NRXN3: variants seen among roughly 807,000 people sequenced by gnomAD.
The protein encoded by NRXN3 is neurexin 3.
Under a neutral mutation model 137.6 loss-of-function variants are expected in NRXN3, and 32 were observed. The ratio of observed to expected loss-of-function variants is 0.23; its 90% CI spans 0.18 to 0.31. The LOEUF is 0.31. NRXN3 is among the 10% of genes least tolerant of loss of function. The pLI is 1.00. For missense variants in NRXN3, 1,574 were observed against 2,062.5 expected (o/e 0.76, Z 4.59); for synonymous variants, 798 against 784.5 (o/e 1.02, Z -0.29).
chr14:79,582,014 C>A (rs2097721088), intron 16 of NRXN3, among the ~76,000 whole-genome samples: 1 of 152,138 alleles, frequency 6.6e-6, no homozygotes, highest in Admixed American at 6.5e-5. Context: ...TCAGCCTTGG[C>A]CTCCCAGGCT....
At chr14:78,229,923 C>T (rs1314313020) in intron 1 of NRXN3, among the ~76,000 whole-genome samples, 1 of 152,150 alleles carries the variant, frequency 6.6e-6, no homozygotes, top group Admixed American at 6.5e-5. Flanking sequence ...CAGATGGGCT[C>T]ACTGGGTCAC....
At chr14:79,739,053 G>T (rs894017695) in intron 19 of NRXN3, among the ~76,000 whole-genome samples, 1 of 152,184 alleles carries the variant, frequency 6.6e-6, no homozygotes, top group Non-Finnish European at 1.5e-5. Flanking sequence ...GCAAATTGAA[G>T]TTTCAAAATA....
intron 14 of NRXN3, among the ~76,000 whole-genome samples, chr14:78,970,471 A>C (rs554070467): frequency 1.3e-5 from 2 of 152,322 alleles, no homozygotes; most frequent in East Asian, 3.9e-4. Context: ...CCCAGGGGCT[A>C]CATGCATTTA....
intron 20 of NRXN3, among the ~76,000 whole-genome samples, chr14:79,825,753 G>A (rs1477509067): frequency 6.6e-6 from 1 of 152,118 alleles, no homozygotes; most frequent in East Asian, 1.9e-4. Context: ...TGGAAGACAT[G>A]ATCATAACTA....
chr14:78,587,897 A>G (rs915504695), intron 4 of NRXN3, among the ~76,000 whole-genome samples: 1 of 151,934 alleles, frequency 6.6e-6, no homozygotes, highest in African/African-American at 2.4e-5. Flanking sequence ...CTTCTTCTTC[A>G]TTGTCTGGAT....
At chr14:78,448,280 C>T (rs1266082626) in intron 4 of NRXN3, among the ~76,000 whole-genome samples, 3 of 152,164 alleles carry the variant, frequency 2.0e-5, no homozygotes, top group Non-Finnish European at 2.9e-5. Context: ...TAGCACAGAG[C>T]AATTGCCCAA....
intron 4 of NRXN3, among the ~76,000 whole-genome samples, chr14:78,605,325 A>C (rs1323149654): frequency 6.6e-6 from 1 of 152,238 alleles, no homozygotes; most frequent in Non-Finnish European, 1.5e-5. Context: ...GGAAGCTCAA[A>C]GGGAAACACT....
At chr14:78,646,972 G>A (rs2097694309) in intron 5 of NRXN3, among the ~76,000 whole-genome samples, 1 of 152,140 alleles carries the variant, frequency 6.6e-6, no homozygotes. Flanking sequence ...TTGATTGGCA[G>A]GTACAAAATA....
intron 15 of NRXN3, among the ~76,000 whole-genome samples, chr14:79,214,822 A>C (rs2068232038): frequency 6.6e-6 from 1 of 152,192 alleles, no homozygotes; most frequent in Non-Finnish European, 1.5e-5. Context: ...TTTCACCCAC[A>C]AATTCTTCAT....
chr14:78,392,419 T>C (rs1257476604), intron 4 of NRXN3, among the ~76,000 whole-genome samples: 1 of 152,212 alleles, frequency 6.6e-6, no homozygotes, highest in African/African-American at 2.4e-5. Flanking sequence ...CCTGTGATAT[T>C]TCTTGAGAGA....
At chr14:79,063,426 G>C (rs1365214309) in intron 15 of NRXN3, among the ~76,000 whole-genome samples, 1 of 152,048 alleles carries the variant, frequency 6.6e-6, no homozygotes, top group Non-Finnish European at 1.5e-5. Context: ...TGGGATTACA[G>C]GTGCATACCA....
At chr14:78,549,797 A>T (rs1311898918) in intron 4 of NRXN3, among the ~76,000 whole-genome samples, 1 of 152,154 alleles carries the variant, frequency 6.6e-6, no homozygotes, top group Non-Finnish European at 1.5e-5. Context: ...TTAGTTTACT[A>T]TGCATTCATA....
chr14:78,931,699 C>A (rs1279191684), intron 10 of NRXN3, among the ~76,000 whole-genome samples: 1 of 152,078 alleles, frequency 6.6e-6, no homozygotes, highest in Non-Finnish European at 1.5e-5. Flanking sequence ...ACAGACCATG[C>A]CATCTTGGTG....
At chr14:79,718,716 C>T (rs1211988124) in intron 19 of NRXN3, among the ~76,000 whole-genome samples, 1 of 152,126 alleles carries the variant, frequency 6.6e-6, no homozygotes, top group Non-Finnish European at 1.5e-5. Flanking sequence ...TGCTGATTAA[C>T]CATAATTTCC....
At chr14:79,469,532 A>G (rs995294280) in intron 16 of NRXN3, among the ~76,000 whole-genome samples, 1 of 152,164 alleles carries the variant, frequency 6.6e-6, no homozygotes, top group Non-Finnish European at 1.5e-5. Flanking sequence ...GACATAGTAT[A>G]ATATTATTTT....
chr14:78,862,309 G>A (rs573599853), intron 10 of NRXN3, among the ~76,000 whole-genome samples: 2 of 152,062 alleles, frequency 1.3e-5, no homozygotes, highest in African/African-American at 2.4e-5. Flanking sequence ...AAGTATGAAT[G>A]AGCTTGGCAG....
intron 19 of NRXN3, among the ~76,000 whole-genome samples, chr14:79,713,276 A>AT (rs2098811600): frequency 7.0e-6 from 1 of 142,700 alleles, no homozygotes; most frequent in African/African-American, 2.6e-5. Flanking sequence ...GCTGCCCCCT[A>AT]TAGTTCTTGC....
chr14:79,783,447 T>C lies in NRXN3; in HGVS notation c.4015-21665T>C, dbSNP rs1213972641. Among the ~76,000 whole-genome samples the C allele has an allele frequency of 3.3e-5, 5 of 152,226 alleles. No homozygotes were observed. The East Asian group carries it at 9.6e-4, about 29-fold the overall frequency. ...TTACAATGGAGTCTGTTTTCAGTCC[T>C]GCTCTTTTCCTGTCCCTTTGAAGAC... On this transcript the variant is annotated intron_variant, in intron 19 of 20. Coordinates refer to ENST00000335750, the MANE Select transcript of NRXN3 (RefSeq NM_001330195.2).
chr14:79,221,731 T>C (rs1046116163), intron 15 of NRXN3, among the ~76,000 whole-genome samples: 2 of 152,258 alleles, frequency 1.3e-5, no homozygotes, highest in Non-Finnish European at 2.9e-5. Flanking sequence ...TAGTTTCTTT[T>C]CCTGTGCAGA....
Sources: allele counts gnomAD v4.1 joint callset (sites outside exome capture counted in the v4.1 genomes callset), GRCh38; gene constraint gnomAD v4.1.1; transcripts MANE v1.5; gene names NCBI Gene and HGNC (gene_info 2026-07-23, HGNC 2026-07-21).